IL9R: variants seen among roughly 807,000 people sequenced by gnomAD.
IL9R encodes the protein interleukin 9 receptor.
A neutral mutation model predicts 56.3 loss-of-function variants in IL9R; 54 were observed. The observed-to-expected ratio is 0.96, with a 90% CI of 0.77 to 1.20. The LOEUF (loss-of-function observed/expected upper bound fraction) is 1.20. Ranked by LOEUF, IL9R falls within the 50% of genes most tolerant of loss-of-function variation. IL9R has a pLI of 0.00. For synonymous variants in IL9R, 212 were observed against 250.2 expected (o/e 0.85, Z 1.44); for missense variants, 545 against 629.8 (o/e 0.87, Z 1.44).
intron 8 of IL9R, among the ~76,000 whole-genome samples, chrX:156,009,244 G>GTC (rs1569479034): frequency 4.4e-4 from 15 of 33,864 alleles, no homozygotes; most frequent in Non-Finnish European, 6.2e-4. Context: ...TTCGTGTGGT[G>GTC]TGTGTGTCTG....
In IL9R at chrX:156,003,474, C is replaced by A; in HGVS notation, c.168C>A (p.Cys56Ter). Residue 56 changes from cysteine to a stop codon, truncating the protein, a stop_gained, in exon 3 of 9, where the codon TGC (cysteine) becomes TGA (stop). Coordinates refer to ENST00000244174, the MANE Select transcript of IL9R (RefSeq NM_002186.3). LOFTEE classifies it high-confidence loss of function. ...GGCCAAGGTCTAGAACCTTCACCTG[C>A]CTCACCAACAACATTCTCAGGATCG... Reference protein sequence around the residue: ...GQGPRSRTFTCLTNNILRIDC... With the variant: ...GQGPRSRTFT 1 of 1,611,894 alleles carries A rather than the reference C, an allele frequency of 6.2e-7. No homozygotes were observed. Among genetic ancestry groups the A allele is most frequent in the Non-Finnish European group, 8.5e-7 (1 of 1,179,654 alleles).
Position 156,009,799 on chromosome X carries a change from C to T in IL9R, c.973-17C>T. ...CATGCTACCTGAGCCCTTCCCTCCT[C>T]CCGTGCTCTGTTCCAGACTTGGATG... On this transcript the variant is annotated splice_polypyrimidine_tract_variant and intron_variant, in intron 8 of 8. Coordinates refer to ENST00000244174, the MANE Select transcript of IL9R (RefSeq NM_002186.3). The T allele has an allele frequency of 8.1e-7, 1 of 1,240,092 alleles. No individual in the cohort carries two copies. Among genetic ancestry groups the T allele is most frequent in the Non-Finnish European group, 1.1e-6 (1 of 946,662 alleles). 76.8% of individuals were successfully genotyped at this position (1,240,092 alleles called of 1,614,324 possible).
At chrX:156,002,454 A>T (rs2067598270) in intron 1 of IL9R, among the ~76,000 whole-genome samples, 2 of 152,324 alleles carry the variant, frequency 1.3e-5, no homozygotes, top group African/African-American at 4.8e-5. Context: ...CTTCTCCCTT[A>T]CAGAGCTGTT....
chrX:155,998,223 C>T (rs1047924897), intron 1 of IL9R, among the ~76,000 whole-genome samples: 3 of 151,892 alleles, frequency 2.0e-5, no homozygotes, highest in African/African-American at 7.3e-5. Context: ...CTACCAACCC[C>T]GAGGCATTTG....
intron 1 of IL9R, chrX:156,001,653 G>C: frequency 1.6e-6 from 1 of 631,836 alleles, no homozygotes; most frequent in Non-Finnish European, 2.8e-6. Context: ...GTCTGTGTGC[G>C]TGTCTGGTTT....
chrX:156,001,281 G>A (rs184091516), intron 1 of IL9R: 1 of 764,182 alleles, frequency 1.3e-6, no homozygotes, highest in African/African-American at 1.7e-5. Context: ...GTCCATTCTG[G>A]GGCCTGGGTC....
In IL9R at chrX:156,007,519, T is replaced by G; in HGVS notation, c.888-4T>G. 8.3e-7 allele frequency: 1 copy of G among 1,203,820 alleles called. No individual in the cohort carries two copies. The highest frequency in any genetic ancestry group is 1.2e-6 in the Non-Finnish European group (1 of 833,944). 74.6% of individuals were successfully genotyped at this position (1,203,820 alleles called of 1,614,324 possible). A position where few individuals can be genotyped will look rare whatever the true frequency, so the allele number is the denominator to read the frequency against. On this transcript the variant is annotated splice_polypyrimidine_tract_variant and splice_region_variant and intron_variant, in intron 7 of 8. Coordinates refer to ENST00000244174, the MANE Select transcript of IL9R (RefSeq NM_002186.3). ...GGCCTCTGACTGGCCTCTCTTGGCC[T>G]CAGGGTGAAGAGAATCTTCTACCAG...
In IL9R at chrX:156,005,416, C is replaced by T. The variant is rs1049024703; in HGVS notation, c.718C>T (p.Arg240Cys). 6.8e-6 allele frequency: 11 copies of T among 1,613,010 alleles called. No individual in the cohort carries two copies. The highest frequency in any genetic ancestry group is 5.0e-5 in the Admixed American group (3 of 59,966). ...GGAGGATGATGTGGTAGAGGAGGAG[C>T]GTTATACAGGCCAGTGGAGTGAGTG... ...TLEDDVVEEE[R>C]YTGQWSEWSQ... is the part of the protein sequence containing the mutation. Residue 240 changes from arginine (R) to cysteine (C), a missense_variant, in exon 6 of 9, where the codon CGT becomes TGT. By Grantham distance (180) the Arg-to-Cys change is radical. Coordinates refer to ENST00000244174, the MANE Select transcript of IL9R (RefSeq NM_002186.3).
At chrX:156,001,328 AG>A in intron 1 of IL9R, 2 of 948,408 alleles carry the variant, frequency 2.1e-6, no homozygotes, top group Non-Finnish European at 3.5e-6. Context: ...GTGCTTCCCC[AG>A]GTCCTGGTGG....
chrX:155,997,814 C>T (rs771002468), intron 1 of IL9R, 27 bp downstream of exon 1: 13 of 1,604,522 alleles, frequency 8.1e-6, no homozygotes, highest in East Asian at 2.2e-5. Context: ...GGCTTCCCAA[C>T]CTCTCAAGTC....
intron 5 of IL9R, among the ~76,000 whole-genome samples, chrX:156,004,818 G>A (rs181726099): frequency 6.6e-6 from 1 of 151,958 alleles, no homozygotes; most frequent in East Asian, 1.9e-4. Context: ...ATGTGTTTAT[G>A]TGTACACATA....
chrX:156,000,204 G>A (rs1357237061), intron 1 of IL9R, among the ~76,000 whole-genome samples: 1 of 151,852 alleles, frequency 6.6e-6, no homozygotes, highest in East Asian at 1.9e-4. Context: ...AACAGTAAGT[G>A]GATGCAGTAA....
intron 1 of IL9R, chrX:156,001,514 G>C (rs780741300): frequency 1.3e-6 from 2 of 1,585,168 alleles, no homozygotes. Flanking sequence ...AAAGGGTGAG[G>C]CTTCCTGATC....
At chrX:156,011,606 C>T (rs1603207295), downstream of IL9R, among the ~76,000 whole-genome samples, 3 of 104,066 alleles carry the variant, frequency 2.9e-5, 1 homozygote, top group Non-Finnish European at 3.4e-5. Flanking sequence ...CTAACACATA[C>T]GTTGCATGAT....
chrX:156,008,003 C>A (rs2124544104), intron 8 of IL9R: 1 of 269,416 alleles, frequency 3.7e-6, no homozygotes, highest in East Asian at 1.8e-4. Context: ...GGGGCTCTCA[C>A]TGCCTCTGGG....
At position 156,007,510 on chromosome X, in the gene IL9R, C is replaced by T. The variant is rs1232582671; in HGVS notation, c.888-13C>T. 2.7e-6 allele frequency: 3 copies of T among 1,116,286 alleles called. No homozygotes were observed. Among genetic ancestry groups the T allele is most frequent in the Non-Finnish European group, 4.0e-6 (3 of 754,216 alleles). 69.1% of individuals were successfully genotyped at this position (1,116,286 alleles called of 1,614,324 possible). On this transcript the variant is annotated splice_polypyrimidine_tract_variant and intron_variant, in intron 7 of 8. Coordinates refer to ENST00000244174, the MANE Select transcript of IL9R (RefSeq NM_002186.3). Reference sequence around the variant, plus strand: ...GTCGCCATAGGCCTCTGACTGGCCTCTCTTGGCCTCAGGGTGAAGAGAATC... The same window carrying T: ...GTCGCCATAGGCCTCTGACTGGCCTTTCTTGGCCTCAGGGTGAAGAGAATC...
chrX:156,001,325 C>A (rs1018825381), intron 1 of IL9R: 5 of 939,878 alleles, frequency 5.3e-6, no homozygotes, highest in Non-Finnish European at 8.8e-6. Context: ...CCTGTGCTTC[C>A]CCAGGTCCTG....
intron 7 of IL9R, 117 bp from the exon 8 acceptor site, chrX:156,007,406 G>A (rs1376158140): frequency 1.5e-5 from 11 of 742,436 alleles, no homozygotes; most frequent in Non-Finnish European, 2.4e-5. Context: ...TGGGAGAGAG[G>A]CAGTGGCAGG....
rs1268892280 is a variant in IL9R at position 155,998,869 on chromosome X, G to T, written c.28+1082G>T. Among the ~76,000 whole-genome samples, 3 of 152,090 alleles carry T rather than the reference G, an allele frequency of 2.0e-5. No individual in the cohort carries two copies. In the East Asian group the frequency reaches 5.8e-4, roughly 29 times the overall value. On this transcript the variant is annotated intron_variant, in intron 1 of 8. Coordinates refer to ENST00000244174, the MANE Select transcript of IL9R (RefSeq NM_002186.3). Reference sequence around the variant, plus strand: ...GTGGGGCAGCAAGGCTGTGGGAGGGGTGTTTTGGGCAGAGCAGGCGACGTG... The same window carrying T: ...GTGGGGCAGCAAGGCTGTGGGAGGGTTGTTTTGGGCAGAGCAGGCGACGTG...
Sources: allele counts gnomAD v4.1 joint callset (sites outside exome capture counted in the v4.1 genomes callset), GRCh38; gene constraint gnomAD v4.1.1; transcripts MANE v1.5; gene names NCBI Gene and HGNC (gene_info 2026-07-23, HGNC 2026-07-21).